Variants in DRAM1 observed in about 807,000 individuals in gnomAD.
DRAM1 encodes DNA damage regulated autophagy modulator 1.
In DRAM1, 25 loss-of-function variants were observed where a neutral mutation model predicts 28.5. The ratio of observed to expected loss-of-function variants is 0.88; its 90% CI spans 0.64 to 1.23. The LOEUF (loss-of-function observed/expected upper bound fraction) is 1.23, where lower values mean the gene tolerates loss of function less well. Among genes scored for constraint, DRAM1 ranks in the 50% most tolerant of loss-of-function variants. DRAM1 has a pLI of 0.00. For synonymous variants in DRAM1, 113 were observed against 114.2 expected, an observed-to-expected ratio of 0.99 and a Z score of 0.07; for missense variants, 249 against 299.2, an observed-to-expected ratio of 0.83 and a Z score of 1.24.
intron 1 of DRAM1, among the ~76,000 whole-genome samples, chr12:101,881,837 A>C (rs946439938): frequency 3.3e-5 from 5 of 152,186 alleles, no homozygotes; most frequent in Admixed American, 6.6e-5. Flanking sequence ...ATCACCTTCT[A>C]ACAAATCATG....
At chr12:101,909,135 C>G (rs1873939764) in intron 4 of DRAM1, among the ~76,000 whole-genome samples, 1 of 151,962 alleles carries the variant, frequency 6.6e-6, no homozygotes, top group South Asian at 2.1e-4. Flanking sequence ...GTGGCACATG[C>G]CTGTAATCCC....
intron 1 of DRAM1, among the ~76,000 whole-genome samples, chr12:101,889,520 G>GA (rs1555281439): frequency 3.3e-5 from 5 of 149,640 alleles, no homozygotes; most frequent in African/African-American, 7.3e-5. Context: ...GGAAGGAAAG[G>GA]AAGGAAGGAA....
Position 101,922,627 on chromosome 12 carries a change from T to A in DRAM1, c.*1367T>A, listed in dbSNP as rs1278086636. The A allele has an allele frequency of 6.6e-6, 1 of 152,196 alleles. No individual in the cohort carries two copies. Among genetic ancestry groups the A allele is most frequent in the Non-Finnish European group, 1.5e-5 (1 of 68,044 alleles). 9.4% of individuals were successfully genotyped at this position (152,196 alleles called of 1,614,324 possible). On this transcript the variant is annotated 3_prime_UTR_variant, in exon 7 of 7. Coordinates refer to ENST00000258534, the MANE Select transcript of DRAM1 (RefSeq NM_018370.3). The stretch of plus-strand genomic sequence containing the variant: ...GCCTCCCCTCTATGTGTTTAGCATA[T>A]GTTATTAGAACATGTCCGACACCCC...
At chr12:101,891,231 T>G (rs992519990) in intron 1 of DRAM1, among the ~76,000 whole-genome samples, 2 of 151,994 alleles carry the variant, frequency 1.3e-5, no homozygotes, top group African/African-American at 2.4e-5. Flanking sequence ...GGGAATTATG[T>G]TTTTTTTAGA....
At chr12:101,904,049 C>T (rs1428009219) in intron 3 of DRAM1, among the ~76,000 whole-genome samples, 3 of 152,108 alleles carry the variant, frequency 2.0e-5, no homozygotes, top group Non-Finnish European at 2.9e-5. Flanking sequence ...TGCAGTGGCG[C>T]GATCTTGGCT....
intron 1 of DRAM1, among the ~76,000 whole-genome samples, chr12:101,880,111 G>C (rs1026911064): frequency 7.2e-5 from 11 of 151,888 alleles, no homozygotes; most frequent in African/African-American, 2.4e-4. Flanking sequence ...GTGGTGGTGG[G>C]ATCACAGCTC....
chr12:101,911,389 G>T (rs1329784300), intron 4 of DRAM1, among the ~76,000 whole-genome samples: 4 of 152,182 alleles, frequency 2.6e-5, no homozygotes, highest in African/African-American at 7.2e-5. Flanking sequence ...TGAATTATCT[G>T]TCTTGCACCG....
chr12:101,898,428 ATACTT>A (rs1054401481), intron 2 of DRAM1, among the ~76,000 whole-genome samples: 6 of 152,206 alleles, frequency 3.9e-5, no homozygotes, highest in East Asian at 1.9e-4. Context: ...TTAGAGAACT[ATACTT>A]TAATTAGTAA....
At position 101,877,869 on chromosome 12, in the gene DRAM1, A is replaced by G. The variant is rs753226153; in HGVS notation, c.80A>G (p.Tyr27Cys). The change falls in exon 1 of 7, where the codon TAC (tyrosine) becomes TGC (cysteine). Residue 27 changes from tyrosine to cysteine, a missense_variant. By Grantham distance (194) the Tyr-to-Cys change is radical (BLOSUM62 -2). Coordinates refer to ENST00000258534, the MANE Select transcript of DRAM1 (RefSeq NM_018370.3). This position sits in a 1 kb window ranked among gnomAD's most constrained non-coding sequence, Gnocchi z 4.1. ...TCGTCAGCCGCCTTCATTATCTCCT[A>G]CGTGGTCGCCGTGCTCTCCGGGCAC... Reference protein sequence around the residue: ...TWSSAAFIISYVVAVLSGHVN... With the variant: ...TWSSAAFIISCVVAVLSGHVN... 1.3e-6 allele frequency: 2 copies of G among 1,545,192 alleles called. No homozygotes were observed. The highest frequency in any genetic ancestry group is 2.5e-5 in the East Asian group (1 of 40,606).
chr12:101,904,733 G>A (rs1048597099), intron 3 of DRAM1, among the ~76,000 whole-genome samples: 4 of 152,010 alleles, frequency 2.6e-5, no homozygotes, highest in South Asian at 2.1e-4. Context: ...GAGCCACCGC[G>A]CCTGGCTGAT....
intron 1 of DRAM1, among the ~76,000 whole-genome samples, chr12:101,892,265 T>C (rs1873162742): frequency 6.6e-6 from 1 of 151,846 alleles, no homozygotes. Context: ...AGACAGAGTC[T>C]TGCTGTGTCG....
Position 101,909,822 on chromosome 12 carries a change from C to T in DRAM1, c.520+1459C>T, listed in dbSNP as rs553318450. The stretch of plus-strand genomic sequence containing the variant: ...GAAGTATTTAACAAAGAAAAAAAGC[C>T]GTGGTCTTAAAGAGTTGCAGAGTTC... On this transcript the variant is annotated intron_variant, in intron 4 of 6. Transcript: ENST00000258534. Among the ~76,000 whole-genome samples the T allele has an allele frequency of 7.4e-4, 113 of 152,080 alleles. 1 individual carries two copies. The highest frequency in any genetic ancestry group is 2.7e-3 in the African/African-American group (110 of 41,498).
rs773426983 is a variant in DRAM1, at chr12:101,921,246, A to G, written c.703A>G (p.Asn235Asp). 6.2e-7 allele frequency: 1 copy of G among 1,607,318 alleles called. No homozygotes were observed. The highest frequency in any genetic ancestry group is 8.5e-7 in the Non-Finnish European group (1 of 1,173,834). ...CACCCTAAGGATATCCACAGAAATC[A>G]ATGGTGATATTTGAAGAAAGAAGAA... ...SVTLRISTEI[N>D]GDI The change falls in exon 7 of 7, where the codon AAT (asparagine) becomes GAT (aspartate). Residue 235 changes from asparagine to aspartate, a missense_variant. Physicochemically the swap from Asn to Asp is conservative, Grantham distance 23 (BLOSUM62 1). Transcript: ENST00000258534.
chr12:101,889,711 A>G (rs760118672), intron 1 of DRAM1, among the ~76,000 whole-genome samples: 1 of 152,180 alleles, frequency 6.6e-6, no homozygotes, highest in Non-Finnish European at 1.5e-5. Context: ...AAGCCAAGGC[A>G]GGTGGATCAC....
chr12:101,909,271 A>AAAAAAAAAAAAG (rs1873947934), intron 4 of DRAM1, among the ~76,000 whole-genome samples: 1 of 151,922 alleles, frequency 6.6e-6, no homozygotes, highest in Non-Finnish European at 1.5e-5. Context: ...CAAAAAAAAA[A>AAAAAAAAAAAAG]GTGTAGATCA....
chr12:101,920,393 C>A (rs1245847837), intron 6 of DRAM1, among the ~76,000 whole-genome samples, 192 bp downstream of exon 6: 20 of 150,418 alleles, frequency 1.3e-4, no homozygotes. Flanking sequence ...GCAAAAAGAG[C>A]ACTTTCTTTT....
chr12:101,891,798 C>T (rs1364898113), intron 1 of DRAM1, among the ~76,000 whole-genome samples: 1 of 152,212 alleles, frequency 6.6e-6, no homozygotes, highest in Non-Finnish European at 1.5e-5. Flanking sequence ...GGGCCCACTG[C>T]ACTGCAGAAA....
At chr12:101,921,172 T>A in intron 6 of DRAM1, 44 bp from the exon 7 acceptor site, 2 of 1,365,846 alleles carry the variant, frequency 1.5e-6, no homozygotes, top group Non-Finnish European at 2.1e-6. Context: ...ACGCTGGGAT[T>A]GTTTAACTTC....
rs1024644012 is a variant in DRAM1, at chr12:101,923,053, A to G, written c.*1793A>G. ...GTGGAGGCTGCAGTGAGCCATGCCA[A>G]TGCACTCCAGTCTGGGCAACAGAGT... On this transcript the variant is annotated 3_prime_UTR_variant, in exon 7 of 7. Transcript: ENST00000258534. 1 of 152,182 alleles carries G rather than the reference A, an allele frequency of 6.6e-6. No homozygotes were observed. Among genetic ancestry groups the G allele is most frequent in the Non-Finnish European group, 1.5e-5 (1 of 68,068 alleles). 9.4% of individuals were successfully genotyped at this position (152,182 alleles called of 1,614,324 possible).
Sources: allele counts gnomAD v4.1 joint callset (sites outside exome capture counted in the v4.1 genomes callset), GRCh38; gene constraint gnomAD v4.1.1; non-coding constraint Gnocchi (gnomAD v3.1); transcripts MANE v1.5; gene names NCBI Gene and HGNC (gene_info 2026-07-23, HGNC 2026-07-21).